The following ZNF675 variants were observed in gnomAD, a reference collection of about 807,000 sequenced individuals.
ZNF675 encodes TRAF6 inhibitory zinc finger.
In ZNF675, 36 loss-of-function variants were observed where a neutral mutation model predicts 56.1. That is an observed-to-expected ratio of 0.64 (90% confidence interval 0.49 to 0.85). ZNF675 has a LOEUF of 0.85. ZNF675 is among the 40% of genes least tolerant of loss of function. The pLI, the probability that ZNF675 is intolerant of heterozygous loss-of-function variation, is 0.00. For synonymous variants in ZNF675, 200 were observed against 218.9 expected (o/e 0.91, Z 0.76); for missense variants, 663 against 654.2 (o/e 1.01, Z -0.15).
At chr19:23,686,886 G>A in intron 1 of ZNF675, 145 bp downstream of exon 1, 1 of 983,092 alleles carries the variant, frequency 1.0e-6, no homozygotes, top group South Asian at 1.4e-5. Flanking sequence ...ATGGCTGCAG[G>A]GGACTGAGCC....
chr19:23,676,729 AC>A (rs2144793102), intron 1 of ZNF675, among the ~76,000 whole-genome samples: 1 of 151,972 alleles, frequency 6.6e-6, no homozygotes, highest in African/African-American at 2.4e-5. Flanking sequence ...CGACAAATTC[AC>A]AGCCAACATA....
chr19:23,660,192 A>C (rs1568289620), intron 3 of ZNF675, among the ~76,000 whole-genome samples: 1 of 151,662 alleles, frequency 6.6e-6, no homozygotes. Flanking sequence ...ACAAAGCTAC[A>C]ACCCCCTCTC....
chr19:23,679,994 C>A (rs981089776), intron 1 of ZNF675, among the ~76,000 whole-genome samples: 2 of 148,262 alleles, frequency 1.3e-5, no homozygotes, highest in South Asian at 2.1e-4. Flanking sequence ...CCGTACCCCC[C>A]CCCAAAAAAA....
chr19:23,669,768 G>A (rs756882651), intron 1 of ZNF675, among the ~76,000 whole-genome samples: 11 of 151,742 alleles, frequency 7.2e-5, no homozygotes, highest in African/African-American at 1.2e-4. Flanking sequence ...CAGGAGAATC[G>A]CTTGAATCCA....
chr19:23,680,211 G>A (rs1040037360), intron 1 of ZNF675, among the ~76,000 whole-genome samples: 1 of 151,460 alleles, frequency 6.6e-6, no homozygotes, highest in South Asian at 2.1e-4. Flanking sequence ...GCTGAGGCAG[G>A]TGACTCGCTT....
Position 23,653,846 on chromosome 19 carries a change from T to C in ZNF675, c.1087A>G (p.Thr363Ala). ...TCACATTTGTAGGGTTGCTCTCCAG[T>C]ATGAATGTTTTTATGTTCAGTAAGT... Reference protein sequence around the residue: ...SKLTEHKNIHTGEQPYKCEEC... With the variant: ...SKLTEHKNIHAGEQPYKCEEC... Residue 363 changes from threonine (T) to alanine (A), a missense_variant, in exon 4 of 4, where the codon ACT (threonine) becomes GCT (alanine). By Grantham distance (58) the Thr-to-Ala change is moderately conservative. Transcript: ENST00000359788. The C allele has an allele frequency of 6.2e-7, 1 of 1,613,848 alleles. No homozygotes were observed. The highest frequency in any genetic ancestry group is 8.5e-7 in the Non-Finnish European group (1 of 1,179,878).
At chr19:23,668,281 C>T (rs1033973688) in intron 1 of ZNF675, among the ~76,000 whole-genome samples, 2 of 149,698 alleles carry the variant, frequency 1.3e-5, no homozygotes, top group African/African-American at 2.5e-5. Flanking sequence ...GATTGGTGCA[C>T]TCACAAACCC....
Position 23,687,170 on chromosome 19 carries a change from C to A in ZNF675, c.-137G>T. ...GCGAGACCTGGAGCTCCGGCTGCAG[C>A]GAGAGACAAAGGCGCCGCCAAATCC... On this transcript the variant is annotated 5_prime_UTR_variant, in exon 1 of 4. Coordinates refer to ENST00000359788, the MANE Select transcript of ZNF675 (RefSeq NM_138330.3). 9.0e-7 allele frequency: 1 copy of A among 1,108,522 alleles called. No individual in the cohort carries two copies. Among genetic ancestry groups the A allele is most frequent in the Non-Finnish European group, 1.3e-6 (1 of 746,270 alleles). The allele number at this position is 1,108,522 out of a possible 1,614,324, so 68.7% of individuals were successfully genotyped here. A position where few individuals can be genotyped will look rare whatever the true frequency, so the allele number is the denominator to read the frequency against.
At chr19:23,685,217 G>A (rs982214065) in intron 1 of ZNF675, among the ~76,000 whole-genome samples, 2 of 152,140 alleles carry the variant, frequency 1.3e-5, no homozygotes, top group Non-Finnish European at 1.5e-5. Context: ...CACCGCCTCA[G>A]ACTCCCAAAG....
At chr19:23,676,224 C>A (rs2144946744) in intron 1 of ZNF675, among the ~76,000 whole-genome samples, 1 of 151,542 alleles carries the variant, frequency 6.6e-6, no homozygotes, top group East Asian at 1.9e-4. Context: ...GCCTACCAAC[C>A]AAAAAAAGCC....
At chr19:23,662,491 A>T (rs1053967246) in intron 2 of ZNF675, among the ~76,000 whole-genome samples, 1 of 151,922 alleles carries the variant, frequency 6.6e-6, no homozygotes, top group African/African-American at 2.4e-5. Flanking sequence ...TTACCACTAG[A>T]GTGAAGGACA....
chr19:23,680,047 G>A (rs557156331), intron 1 of ZNF675, among the ~76,000 whole-genome samples: 11 of 151,134 alleles, frequency 7.3e-5, no homozygotes, highest in Admixed American at 1.3e-4. Context: ...GGTGGCTCAC[G>A]CCTGTAATCC....
intron 1 of ZNF675, among the ~76,000 whole-genome samples, chr19:23,663,777 G>A (rs539198681): frequency 8.5e-5 from 13 of 152,276 alleles, no homozygotes; most frequent in Admixed American, 4.6e-4. Context: ...TGCTTCACAA[G>A]CTTCTGTGTA....
chr19:23,670,543 C>A (rs977003981), intron 1 of ZNF675, among the ~76,000 whole-genome samples: 5 of 152,020 alleles, frequency 3.3e-5, no homozygotes, highest in Non-Finnish European at 7.4e-5. Context: ...GCCAAGCGAC[C>A]CCTTGCCAAG....
intron 1 of ZNF675, among the ~76,000 whole-genome samples, chr19:23,669,653 C>G (rs867616427): frequency 3.5e-4 from 53 of 152,162 alleles, no homozygotes; most frequent in Middle Eastern, 3.4e-3. Flanking sequence ...GCGGACAGAT[C>G]ATAAGGTCAG....
At chr19:23,660,789 A>G (rs1190607023) in intron 3 of ZNF675, among the ~76,000 whole-genome samples, 1 of 152,208 alleles carries the variant, frequency 6.6e-6, no homozygotes, top group Non-Finnish European at 1.5e-5. Context: ...AAGACTCCCT[A>G]TCAAAATTCC....
chr19:23,683,540 G>T (rs1968404312), intron 1 of ZNF675, among the ~76,000 whole-genome samples: 1 of 152,064 alleles, frequency 6.6e-6, no homozygotes, highest in South Asian at 2.1e-4. Context: ...TCCTGCCTCA[G>T]CCTCCCAAGT....
At chr19:23,671,368 G>A (rs1968224552) in intron 1 of ZNF675, among the ~76,000 whole-genome samples, 1 of 152,182 alleles carries the variant, frequency 6.6e-6, no homozygotes, top group Admixed American at 6.5e-5. Context: ...AATTATGGCA[G>A]CCATCATTGG....
intron 1 of ZNF675, among the ~76,000 whole-genome samples, chr19:23,666,455 G>T (rs1968151906): frequency 6.6e-6 from 1 of 152,186 alleles, no homozygotes; most frequent in Admixed American, 6.5e-5. Flanking sequence ...GTGGCCAATG[G>T]GAAACCTCTA....
Sources: allele counts gnomAD v4.1 joint callset (sites outside exome capture counted in the v4.1 genomes callset), GRCh38; gene constraint gnomAD v4.1.1; transcripts MANE v1.5; gene names NCBI Gene and HGNC (gene_info 2026-07-23, HGNC 2026-07-21).